Variants in DNAJC3 observed in about 807,000 individuals in gnomAD.
The protein encoded by DNAJC3 is DnaJ heat shock protein family (Hsp40) member C3.
A neutral mutation model predicts 68.6 loss-of-function variants in DNAJC3; 38 were observed. That is an observed-to-expected ratio of 0.55 (90% CI 0.43 to 0.73). The LOEUF is 0.73. DNAJC3 is among the 30% of genes least tolerant of loss of function. DNAJC3 has a pLI of 0.00. For synonymous variants in DNAJC3, 203 were observed against 204.0 expected (o/e 1.00, Z 0.04); for missense variants, 526 against 591.9 (o/e 0.89, Z 1.16).
chr13:95,747,803 G>C (rs61975193), intron 4 of DNAJC3, among the ~76,000 whole-genome samples: 3 of 152,012 alleles, frequency 2.0e-5, no homozygotes, highest in Non-Finnish European at 2.9e-5. Flanking sequence ...TTAGGAGGTC[G>C]GCTCTAGAGA....
At chr13:95,689,919 T>C (rs1240318093) in intron 1 of DNAJC3, among the ~76,000 whole-genome samples, 1 of 152,220 alleles carries the variant, frequency 6.6e-6, no homozygotes, top group Non-Finnish European at 1.5e-5. Context: ...CCTTTTGGTA[T>C]TGACTTCTAA....
chr13:95,747,104 T>C (rs1344291640), intron 4 of DNAJC3, among the ~76,000 whole-genome samples: 3 of 152,242 alleles, frequency 2.0e-5, no homozygotes, highest in African/African-American at 7.2e-5. Flanking sequence ...TCATATAACT[T>C]AGATCATTTA....
chr13:95,763,065 A>G (rs764415203), intron 7 of DNAJC3, among the ~76,000 whole-genome samples: 1 of 152,254 alleles, frequency 6.6e-6, no homozygotes, highest in Non-Finnish European at 1.5e-5. Context: ...ATAACTGAGT[A>G]TATAACAGGA....
chr13:95,698,988 C>T (rs1303227082), intron 1 of DNAJC3, among the ~76,000 whole-genome samples: 2 of 152,198 alleles, frequency 1.3e-5, no homozygotes, highest in East Asian at 3.9e-4. Flanking sequence ...AGTATAAGTG[C>T]ATTTTGAAGG....
rs202246204 is a variant in DNAJC3, at chr13:95,790,944, C to A, written c.1429C>A (p.Pro477Thr). The part of the protein sequence containing the change: ...AESQQGGGGN[P>T]FHRSWNSWQG... ...GAGCCAGCAAGGAGGCGGCGGCAAC[C>A]CTTTCCACAGAAGCTGGAACTCATG... Residue 477 changes from proline to threonine, a missense_variant, in exon 12 of 12, where the codon CCT becomes ACT. By Grantham distance (38) the Pro-to-Thr change is conservative (BLOSUM62 -1). Transcript: ENST00000602402. 6.2e-7 allele frequency: 1 copy of A among 1,610,476 alleles called. No homozygotes were observed. Among genetic ancestry groups the A allele is most frequent in the Non-Finnish European group, 8.5e-7 (1 of 1,179,224 alleles).
At chr13:95,692,975 T>C (rs1880320341) in intron 1 of DNAJC3, 1 of 152,178 alleles carries the variant, frequency 6.6e-6, no homozygotes, top group Admixed American at 6.5e-5. Flanking sequence ...CGCCCGCCAC[T>C]GGGCCCAGCT....
At chr13:95,714,359 TG>T (rs1467675367) in intron 2 of DNAJC3, among the ~76,000 whole-genome samples, 8 of 150,278 alleles carry the variant, frequency 5.3e-5, no homozygotes, top group African/African-American at 2.0e-4. Context: ...CACTCCAGCC[TG>T]GGCAATGGAG....
At chr13:95,703,294 A>G (rs1880630043) in intron 1 of DNAJC3, among the ~76,000 whole-genome samples, 1 of 152,190 alleles carries the variant, frequency 6.6e-6, no homozygotes, top group African/African-American at 2.4e-5. Flanking sequence ...CTAAAACACG[A>G]TTTTTTCAGT....
At chr13:95,777,986 C>G (rs1314950678) in intron 9 of DNAJC3, among the ~76,000 whole-genome samples, 1 of 152,010 alleles carries the variant, frequency 6.6e-6, no homozygotes, top group Non-Finnish European at 1.5e-5. Context: ...AACTAGAAGT[C>G]AGTAACAGAA....
intron 6 of DNAJC3, 21 bp from the exon 7 acceptor site, chr13:95,760,658 C>T: frequency 2.5e-6 from 4 of 1,582,586 alleles, no homozygotes; most frequent in Non-Finnish European, 3.4e-6. Context: ...GAGTATTTTC[C>T]TTTTTTAAAT....
chr13:95,722,663 A>C (rs1414464324), intron 2 of DNAJC3, among the ~76,000 whole-genome samples: 1 of 151,306 alleles, frequency 6.6e-6, no homozygotes, highest in Non-Finnish European at 1.5e-5. Context: ...CTGTTGTCTC[A>C]GCTTCTCAGA....
intron 1 of DNAJC3, among the ~76,000 whole-genome samples, chr13:95,698,931 A>T (rs1367735365): frequency 1.3e-5 from 2 of 152,166 alleles, no homozygotes; most frequent in Non-Finnish European, 2.9e-5. Context: ...ATCTGAAGGG[A>T]TTTAGTTTTA....
chr13:95,723,597 G>A lies in DNAJC3; in HGVS notation c.318+231G>A, dbSNP rs145747059. On this transcript the variant is annotated intron_variant, in intron 3 of 11. Coordinates refer to ENST00000602402, the MANE Select transcript of DNAJC3 (RefSeq NM_006260.5). ...TTTTTTTCAGAAGTCTGGCAGTGAT[G>A]TCAGCTTTGTGGTTTAGAAAGACAA... is the stretch of plus-strand genomic sequence containing the variant. Among the ~76,000 whole-genome samples the A allele has an allele frequency of 6.1e-3, 930 of 152,192 alleles. 18 individuals carry two copies. Among genetic ancestry groups the A allele is most frequent in the Non-Finnish European group, 4.3e-3 (290 of 67,998 alleles).
At chr13:95,767,191 C>T (rs1883016050) in intron 9 of DNAJC3, among the ~76,000 whole-genome samples, 2 of 152,244 alleles carry the variant, frequency 1.3e-5, no homozygotes, top group Admixed American at 6.5e-5. Context: ...TTACCTCTCC[C>T]TCGGCCCCTG....
chr13:95,738,922 T>C (rs1882024992), intron 4 of DNAJC3, among the ~76,000 whole-genome samples: 2 of 152,324 alleles, frequency 1.3e-5, no homozygotes, highest in South Asian at 2.1e-4. Flanking sequence ...CTAGTCTCGA[T>C]GGTCTTTACA....
chr13:95,724,251 GC>G (rs959746553), intron 3 of DNAJC3, among the ~76,000 whole-genome samples: 19 of 151,572 alleles, frequency 1.3e-4, no homozygotes, highest in African/African-American at 4.6e-4. Context: ...GTTTAATCTT[GC>G]TTTTTATTGT....
intron 9 of DNAJC3, among the ~76,000 whole-genome samples, chr13:95,764,369 C>CTATATATATA (rs1340131404): frequency 7.3e-6 from 1 of 136,716 alleles, no homozygotes; most frequent in African/African-American, 3.2e-5. Context: ...CTCTCTCTCT[C>CTATATATATA]TCTCTCTATA....
chr13:95,691,765 A>G (rs948705349), intron 1 of DNAJC3, among the ~76,000 whole-genome samples: 2 of 152,332 alleles, frequency 1.3e-5, no homozygotes, highest in Admixed American at 1.3e-4. Flanking sequence ...CCTGGGCACC[A>G]TTGAGCACTG....
chr13:95,693,333 T>C (rs1252468614), intron 1 of DNAJC3: 1 of 152,212 alleles, frequency 6.6e-6, no homozygotes, highest in African/African-American at 2.4e-5. Context: ...ACCACAAACG[T>C]GATATACCAA....
Sources: allele counts gnomAD v4.1 joint callset (sites outside exome capture counted in the v4.1 genomes callset), GRCh38; gene constraint gnomAD v4.1.1; transcripts MANE v1.5; gene names NCBI Gene and HGNC (gene_info 2026-07-23, HGNC 2026-07-21).